CNIH3: variants seen among roughly 807,000 people sequenced by gnomAD.
CNIH3 encodes protein cornichon homolog 3.
In CNIH3, 14 loss-of-function variants were observed where a neutral mutation model predicts 24.1. The ratio of observed to expected loss-of-function variants is 0.58; its 90% CI spans 0.38 to 0.91. CNIH3 has a LOEUF of 0.91. Ranked by LOEUF, CNIH3 falls within the 40% of genes least tolerant of loss-of-function variation. The pLI is 0.00. For missense variants in CNIH3, 178 were observed against 196.8 expected (o/e 0.90, Z 0.57); for synonymous variants, 68 against 73.8 (o/e 0.92, Z 0.40).
At chr1:224,705,835 TTC>T (rs1334879311) in intron 3 of CNIH3, among the ~76,000 whole-genome samples, 1 of 150,832 alleles carries the variant, frequency 6.6e-6, no homozygotes, top group Non-Finnish European at 1.5e-5. Flanking sequence ...TTCTTTTCTT[TTC>T]TCTCTTTCTT....
intron 1 of CNIH3, among the ~76,000 whole-genome samples, chr1:224,657,351 A>G (rs182245557): frequency 3.9e-5 from 6 of 152,312 alleles, no homozygotes; most frequent in Admixed American, 3.9e-4. Flanking sequence ...TACAAAGCAT[A>G]TATTAAGCCA....
At chr1:224,621,845 C>T (rs1683295498) in intron 1 of CNIH3, among the ~76,000 whole-genome samples, 1 of 152,176 alleles carries the variant, frequency 6.6e-6, no homozygotes, top group Non-Finnish European at 1.5e-5. Flanking sequence ...TGAATTGTAG[C>T]TCTCATAATC....
chr1:224,645,143 G>A (rs1684541089), intron 1 of CNIH3, among the ~76,000 whole-genome samples: 1 of 152,172 alleles, frequency 6.6e-6, no homozygotes, highest in East Asian at 1.9e-4. Flanking sequence ...AGGGAGTCAG[G>A]TCTCTACCAA....
chr1:224,700,386 A>C (rs1687420760), intron 3 of CNIH3, among the ~76,000 whole-genome samples: 1 of 152,184 alleles, frequency 6.6e-6, no homozygotes, highest in African/African-American at 2.4e-5. Context: ...ATTTGGGAGG[A>C]CATGTTTCAG....
At chr1:224,517,467 T>C (rs1219420166) in intron 1 of CNIH3, among the ~76,000 whole-genome samples, 3 of 152,138 alleles carry the variant, frequency 2.0e-5, no homozygotes, top group Admixed American at 2.0e-4. Context: ...ATATTCCTTT[T>C]TTTGTAGTTT....
At chr1:224,651,533 T>G (rs1262243963) in intron 1 of CNIH3, among the ~76,000 whole-genome samples, 2 of 152,234 alleles carry the variant, frequency 1.3e-5, no homozygotes, top group African/African-American at 4.8e-5. Context: ...TGTATATCCT[T>G]CATTTGTTTC....
At chr1:224,517,504 G>C (rs559616915) in intron 1 of CNIH3, among the ~76,000 whole-genome samples, 11 of 151,844 alleles carry the variant, frequency 7.2e-5, no homozygotes, top group African/African-American at 2.7e-4. Flanking sequence ...CAGTAGTTTT[G>C]GGGGAGCAGG....
intron 3 of CNIH3, among the ~76,000 whole-genome samples, chr1:224,700,305 T>C (rs1687415360): frequency 6.6e-6 from 1 of 152,202 alleles, no homozygotes; most frequent in Admixed American, 6.5e-5. Context: ...AATTGCTTCT[T>C]TGAAGACTCT....
chr1:224,645,132 G>A (rs1684540836), intron 1 of CNIH3, among the ~76,000 whole-genome samples: 1 of 152,220 alleles, frequency 6.6e-6, no homozygotes, highest in African/African-American at 2.4e-5. Flanking sequence ...AAATACACAA[G>A]AGGGAGTCAG....
Position 224,616,939 on chromosome 1 carries a change from C to A in CNIH3, c.-236C>A. The A allele has an allele frequency of 7.3e-7, 1 of 1,370,856 alleles. No homozygotes were observed. 84.9% of individuals were successfully genotyped at this position (1,370,856 alleles called of 1,614,324 possible). A position where few individuals can be genotyped will look rare whatever the true frequency, so the allele number is the denominator to read the frequency against. Reference sequence around the variant, plus strand: ...GCGGACGGTTCCCTCCAGCGACTCTCGACACACGTTTTCCTGTCTTCGCCG... The same window carrying A: ...GCGGACGGTTCCCTCCAGCGACTCTAGACACACGTTTTCCTGTCTTCGCCG... On this transcript the variant is annotated 5_prime_UTR_variant, in exon 1 of 6. Transcript: ENST00000272133.
chr1:224,673,565 G>A (rs879779820), intron 1 of CNIH3, among the ~76,000 whole-genome samples: 4 of 152,116 alleles, frequency 2.6e-5, no homozygotes, highest in Non-Finnish European at 5.9e-5. Context: ...AAGATACCTC[G>A]TCAGAGAGGC....
intron 3 of CNIH3, among the ~76,000 whole-genome samples, chr1:224,724,053 A>C (rs1688887132): frequency 6.6e-6 from 1 of 152,132 alleles, no homozygotes; most frequent in African/African-American, 2.4e-5. Flanking sequence ...CTCTTAACAA[A>C]AAATTTTAAA....
intron 1 of CNIH3, chr1:224,435,968 CTG>C (rs901562669): frequency 6.6e-6 from 1 of 151,978 alleles, no homozygotes; most frequent in East Asian, 1.9e-4. Flanking sequence ...ATAGTAATAA[CTG>C]AAAGTAATTT....
rs1200338535 is a variant in CNIH3 at position 224,576,199 on chromosome 1, C to T, written n.517-6965C>T. Among the ~76,000 whole-genome samples, 4 of 152,266 alleles carry T rather than the reference C, an allele frequency of 2.6e-5. No homozygotes were observed. The East Asian group carries it at 7.7e-4, about 29-fold the overall frequency. On this transcript the variant is annotated intron_variant and non_coding_transcript_variant, in intron 4 of 5. Coordinates refer to the CNIH3 transcript ENST00000471578. Reference sequence around the variant, plus strand: ...GTATGTAAATGCTACTCTGAGTAGACAAGTTCAAGTATATTTTAAAGTGTG... The same window carrying T: ...GTATGTAAATGCTACTCTGAGTAGATAAGTTCAAGTATATTTTAAAGTGTG...
chr1:224,694,078 TGGA>T (rs1269410681), intron 3 of CNIH3, among the ~76,000 whole-genome samples: 1 of 152,112 alleles, frequency 6.6e-6, no homozygotes, highest in Non-Finnish European at 1.5e-5. Flanking sequence ...ACTGGATCTG[TGGA>T]GGAGGAGAGG....
At chr1:224,499,844 G>A (rs1434026355) in intron 1 of CNIH3, among the ~76,000 whole-genome samples, 4 of 150,298 alleles carry the variant, frequency 2.7e-5, no homozygotes, top group African/African-American at 7.4e-5. Context: ...CAGGAGGATC[G>A]CTTGAGGCCA....
intron 3 of CNIH3, among the ~76,000 whole-genome samples, chr1:224,557,500 C>T (rs1680186346): frequency 6.6e-6 from 1 of 152,068 alleles, no homozygotes; most frequent in Admixed American, 6.5e-5. Flanking sequence ...GAGTCTCGCT[C>T]TGTCGCTCAG....
At chr1:224,706,528 T>G (rs1239839542) in intron 3 of CNIH3, among the ~76,000 whole-genome samples, 1 of 152,208 alleles carries the variant, frequency 6.6e-6, no homozygotes, top group Non-Finnish European at 1.5e-5. Flanking sequence ...ACCACACTTT[T>G]GTCTGTACAT....
intron 1 of CNIH3, among the ~76,000 whole-genome samples, chr1:224,486,307 C>T (rs1438272822): frequency 2.0e-5 from 3 of 151,748 alleles, no homozygotes; most frequent in Non-Finnish European, 4.4e-5. Flanking sequence ...GAGATAGGGC[C>T]TTGCCATGTT....
Sources: gnomAD v4.1 joint callset for allele counts (sites outside exome capture counted in the v4.1 genomes callset) on GRCh38, gnomAD v4.1.1 for gene constraint, MANE v1.5 for transcripts, NCBI Gene and HGNC (gene_info 2026-07-23, HGNC 2026-07-21) for gene names.